Variants in PDE1A observed in about 807,000 individuals in gnomAD.
The protein encoded by PDE1A is dual specificity calcium/calmodulin-dependent 3',5'-cyclic nucleotide phosphodiesterase 1A.
Under a neutral mutation model 61.7 loss-of-function variants are expected in PDE1A, and 35 were observed. The observed-to-expected ratio is 0.57, with a 90% CI of 0.43 to 0.75. PDE1A has a LOEUF of 0.75. Ranked by LOEUF, PDE1A falls within the 30% of genes least tolerant of loss-of-function variation. PDE1A has a pLI of 0.00. For synonymous variants in PDE1A, 232 were observed against 213.2 expected (o/e 1.09, Z -0.77); for missense variants, 597 against 630.6 (o/e 0.95, Z 0.57).
chr2:182,638,489 T>C, the PDE1A span, among the ~76,000 whole-genome samples: 2 of 152,040 alleles, frequency 1.3e-5, no homozygotes, highest in East Asian at 1.9e-4. Context: ...TGAGCTGAGA[T>C]TGCGCCCCTG....
intron 2 of PDE1A, among the ~76,000 whole-genome samples, chr2:182,258,621 T>C (rs1691999571): frequency 6.6e-6 from 1 of 152,226 alleles, no homozygotes; most frequent in South Asian, 2.1e-4. Flanking sequence ...TCTAGCATAT[T>C]CCAGACATAT....
chr2:182,481,535 G>A (rs1373983149), intron 2 of PDE1A, among the ~76,000 whole-genome samples: 1 of 151,824 alleles, frequency 6.6e-6, no homozygotes, highest in East Asian at 1.9e-4. Flanking sequence ...ACTCAAAATG[G>A]TAATGACTGA....
intron 2 of PDE1A, among the ~76,000 whole-genome samples, chr2:182,516,560 G>A (rs1690161553): frequency 6.6e-6 from 1 of 151,796 alleles, no homozygotes; most frequent in South Asian, 2.1e-4. Context: ...GGCTGAGGTG[G>A]GAGGATCACC....
chr2:182,327,266 C>G (rs1456961869), intron 1 of PDE1A, among the ~76,000 whole-genome samples: 1 of 151,906 alleles, frequency 6.6e-6, no homozygotes, highest in Non-Finnish European at 1.5e-5. Context: ...AGGAGCAAGT[C>G]GAAGTGTATT....
chr2:182,224,014 T>A lies in PDE1A; in HGVS notation c.676-50A>T, dbSNP rs774147183. 1.4e-5 allele frequency: 18 copies of A among 1,264,656 alleles called. No individual in the cohort carries two copies. The South Asian group carries it at 1.5e-4, about 11-fold the overall frequency. 78.3% of individuals were successfully genotyped at this position (1,264,656 alleles called of 1,614,324 possible). On this transcript the variant is annotated intron_variant, in intron 6 of 13. Coordinates refer to ENST00000351439, the Ensembl canonical transcript of PDE1A. Reference sequence around the variant, plus strand: ...TTATATTCAAGAAGTAGATAACATCTTTCCTTTCTTTGAAAAGGACTTTCA... The same window carrying A: ...TTATATTCAAGAAGTAGATAACATCATTCCTTTCTTTGAAAAGGACTTTCA...
At chr2:182,510,591 G>C (rs562322915) in intron 2 of PDE1A, among the ~76,000 whole-genome samples, 1 of 152,300 alleles carries the variant, frequency 6.6e-6, no homozygotes, top group Admixed American at 6.5e-5. Context: ...TTACCTAGAA[G>C]TCAAGTCTGT....
Position 182,495,416 on chromosome 2 carries a change from C to T in PDE1A, c.101+26860G>A, listed in dbSNP as rs1478986323. Among the ~76,000 whole-genome samples the T allele has an allele frequency of 2.6e-5, 4 of 152,192 alleles. No homozygotes were observed. In the South Asian group the frequency reaches 6.2e-4, roughly 24 times the overall value. On this transcript the variant is annotated intron_variant, in intron 2 of 14. Coordinates refer to the PDE1A transcript ENST00000410103. ...ATGTAGAATCTGGCTTTGGTTGGCA[C>T]CTTTTGAAATTTTCTTGGCCTTCAG...
chr2:182,538,313 G>C, the PDE1A span, among the ~76,000 whole-genome samples: 1 of 152,104 alleles, frequency 6.6e-6, no homozygotes, highest in East Asian at 1.9e-4. Context: ...TGCCTCTCTT[G>C]CTTTTTGATA....
chr2:182,247,625 T>C (rs1691073529), intron 2 of PDE1A, among the ~76,000 whole-genome samples: 1 of 152,238 alleles, frequency 6.6e-6, no homozygotes, highest in East Asian at 1.9e-4. Flanking sequence ...AAGTTTCATC[T>C]GACCACGCTA....
the PDE1A span, among the ~76,000 whole-genome samples, chr2:182,694,269 A>C: frequency 3.9e-5 from 6 of 152,194 alleles, no homozygotes; most frequent in Non-Finnish European, 8.8e-5. Flanking sequence ...TCTTTGTTGA[A>C]AATCAATTGA....
the PDE1A span, among the ~76,000 whole-genome samples, chr2:182,565,465 TG>T: frequency 1.3e-5 from 2 of 152,198 alleles, no homozygotes; most frequent in East Asian, 1.9e-4. Flanking sequence ...CTGCCCCTAC[TG>T]GGGGGTGCCT....
At chr2:182,603,105 C>T in the PDE1A span, among the ~76,000 whole-genome samples, 1 of 152,050 alleles carries the variant, frequency 6.6e-6, no homozygotes, top group African/African-American at 2.4e-5. Context: ...ATTTGAAAGG[C>T]AACTTGGCCA....
chr2:182,599,154 C>T, the PDE1A span, among the ~76,000 whole-genome samples: 154 of 152,218 alleles, frequency 1.0e-3, no homozygotes, highest in South Asian at 0.016. Context: ...CCAGGAAGGC[C>T]CCCCCTACCC....
In PDE1A at chr2:182,354,214, A is replaced by G. The variant is rs913618391; in HGVS notation, c.53+72364T>C. ...GCTGTTTGTCACTGCAGCATAATCA[A>G]TCCTATCCTGAATACCATAATTCTC... On this transcript the variant is annotated intron_variant, in intron 1 of 13. Coordinates refer to ENST00000351439, the Ensembl canonical transcript of PDE1A. Among the ~76,000 whole-genome samples, 3 of 152,228 alleles carry G rather than the reference A, an allele frequency of 2.0e-5. No individual in the cohort carries two copies. The East Asian group carries it at 5.8e-4, about 29-fold the overall frequency.
chr2:182,344,434 A>G (rs1698388013), intron 1 of PDE1A, among the ~76,000 whole-genome samples: 1 of 152,152 alleles, frequency 6.6e-6, no homozygotes, highest in African/African-American at 2.4e-5. Flanking sequence ...GTACTTAATT[A>G]TAACATAATT....
chr2:182,546,406 G>A, the PDE1A span, among the ~76,000 whole-genome samples: 1 of 152,062 alleles, frequency 6.6e-6, no homozygotes, highest in African/African-American at 2.4e-5. Context: ...CATCTGCTGT[G>A]GGAGGAAAGA....
chr2:182,576,470 G>C, the PDE1A span, among the ~76,000 whole-genome samples: 1 of 152,090 alleles, frequency 6.6e-6, no homozygotes, highest in Admixed American at 6.6e-5. Flanking sequence ...ATCTACCAAC[G>C]AACACTTGTG....
intron 1 of PDE1A, among the ~76,000 whole-genome samples, chr2:182,334,681 C>A (rs1433040171): frequency 1.3e-5 from 2 of 152,084 alleles, no homozygotes; most frequent in Non-Finnish European, 2.9e-5. Context: ...ATTGAATGGG[C>A]AAAAGCTGGA....
At chr2:182,714,528 T>G in the PDE1A span, among the ~76,000 whole-genome samples, 1 of 152,140 alleles carries the variant, frequency 6.6e-6, no homozygotes, top group East Asian at 1.9e-4. Context: ...AACTTAAATC[T>G]TTCCTTTATC....
Sources: allele counts gnomAD v4.1 joint callset (sites outside exome capture counted in the v4.1 genomes callset), GRCh38; gene constraint gnomAD v4.1.1; transcripts MANE v1.5; gene names NCBI Gene and HGNC (gene_info 2026-07-23, HGNC 2026-07-21).